The following SPATA21 variants were observed in gnomAD, a reference collection of about 807,000 sequenced individuals.
SPATA21 encodes spermatogenesis associated 21.
A neutral mutation model predicts 54.8 loss-of-function variants in SPATA21; 47 were observed. The observed-to-expected ratio is 0.86, with a 90% CI of 0.68 to 1.09. SPATA21 has a LOEUF of 1.09. Ranked by LOEUF, SPATA21 falls within the 50% of genes least tolerant of loss-of-function variation. SPATA21 has a pLI of 0.00. For missense variants in SPATA21, 599 were observed against 596.4 expected (o/e 1.00, Z -0.05); for synonymous variants, 245 against 235.3 (o/e 1.04, Z -0.38).
At chr1:16,405,230 G>C (rs934561855) in intron 7 of SPATA21, 126 bp from the exon 8 acceptor site, 1 of 1,341,836 alleles carries the variant, frequency 7.5e-7, no homozygotes, top group African/African-American at 1.5e-5. Flanking sequence ...TGCTGGGTGC[G>C]TTGGCTCACA....
intron 1 of SPATA21, among the ~76,000 whole-genome samples, chr1:16,436,723 A>G (rs1217398791): frequency 1.3e-5 from 2 of 151,922 alleles, no homozygotes; most frequent in East Asian, 3.9e-4. Flanking sequence ...CAGAGACTGC[A>G]CCACTACACG....
At chr1:16,407,981 A>T (rs780827764) in intron 7 of SPATA21, among the ~76,000 whole-genome samples, 1 of 152,102 alleles carries the variant, frequency 6.6e-6, no homozygotes. Context: ...TGCTTAGGCT[A>T]GTCTTGAACT....
At position 16,405,098 on chromosome 1, in the gene SPATA21, C is replaced by T. The variant is rs750502597; in HGVS notation, c.680G>A (p.Arg227His). ...QLTLKQEEAF[R>H]SYFEIFNGPG... is the part of the protein sequence containing the mutation. Reference sequence around the variant, plus strand: ...ACCATTGAAGATCTCAAAGTAGCTGCGGAAGGCTGTGGGGAGGGCAGGGTT... The same window carrying T: ...ACCATTGAAGATCTCAAAGTAGCTGTGGAAGGCTGTGGGGAGGGCAGGGTT... Residue 227 changes from arginine (R) to histidine (H), a missense_variant, in exon 8 of 13, where the codon CGC (arginine) becomes CAC (histidine). Transcript: ENST00000335496. 1.4e-5 allele frequency: 22 copies of T among 1,608,786 alleles called. No individual in the cohort carries two copies. Among genetic ancestry groups the T allele is most frequent in the African/African-American group, 4.0e-5 (3 of 74,618 alleles).
chr1:16,431,318 C>A lies in SPATA21; in HGVS notation c.34+20G>T. The A allele has an allele frequency of 6.2e-7, 1 of 1,614,108 alleles. No individual in the cohort carries two copies. Among genetic ancestry groups the A allele is most frequent in the Non-Finnish European group, 8.5e-7 (1 of 1,180,010 alleles). ...TCCTCAGGCCAGGACTTGGCTGCGT[C>A]CCTGGAGCCTTGGTTCTACCCTCCG... On this transcript the variant is annotated intron_variant, in intron 3 of 12. Transcript: ENST00000335496.
intron 3 of SPATA21, chr1:16,425,405 C>A: frequency 8.5e-7 from 1 of 1,181,242 alleles, no homozygotes. Context: ...CCTCAGCCTC[C>A]CAAGTAGCTG....
intron 5 of SPATA21, among the ~76,000 whole-genome samples, chr1:16,418,838 G>A (rs538165434): frequency 1.3e-4 from 20 of 152,262 alleles, no homozygotes; most frequent in African/African-American, 4.6e-4. Context: ...CACTGCATCC[G>A]GCCTAGTTCT....
rs112533132 is a variant in SPATA21 at position 16,422,509 on chromosome 1, A to ATTT, written c.35-541_35-539dup. Among the ~76,000 whole-genome samples, 173 of 142,866 alleles carry ATTT rather than the reference A, an allele frequency of 1.2e-3. 3 individuals carry two copies. Among genetic ancestry groups the ATTT allele is most frequent in the African/African-American group, 4.1e-3 (157 of 38,628 alleles). The allele number at this position is 142,866 out of a possible 152,430, so 93.7% of individuals were successfully genotyped here. ...AGGGTTTTCCTTTGTGTGTGTGTGT[A>ATTT]TTTTTTTTTTTTTTTGAGACAAGTC... On this transcript the variant is annotated intron_variant, in intron 3 of 12. Transcript: ENST00000335496.
In SPATA21 at chr1:16,423,412, CAAA is replaced by C. The variant is rs1161125061; in HGVS notation, c.35-1444_35-1442del. Among the ~76,000 whole-genome samples the C allele has an allele frequency of 1.8e-3, 106 of 59,150 alleles. 1 individual carries two copies. Among genetic ancestry groups the C allele is most frequent in the Non-Finnish European group, 2.2e-3 (59 of 26,884 alleles). The allele number at this position is 59,150 out of a possible 152,430, so 38.8% of individuals were successfully genotyped here. On this transcript the variant is annotated intron_variant, in intron 3 of 12. Coordinates refer to ENST00000335496, the MANE Select transcript of SPATA21 (RefSeq NM_198546.1). ...TGGGCAACAGGGTGAGACTCCATGT[CAAA>C]AAAAAAAAAAAAAAAAAAGTGGTAT...
chr1:16,434,563 T>C (rs1028564114), intron 1 of SPATA21, among the ~76,000 whole-genome samples: 3 of 152,174 alleles, frequency 2.0e-5, no homozygotes, highest in Non-Finnish European at 4.4e-5. Context: ...CCCAAAGTGC[T>C]GAGATTACAG....
chr1:16,419,251 C>T (rs1403026072), intron 5 of SPATA21, among the ~76,000 whole-genome samples: 1 of 152,074 alleles, frequency 6.6e-6, no homozygotes, highest in African/African-American at 2.4e-5. Context: ...TTCAAAGGCC[C>T]TGGGGTGAGA....
At position 16,403,718 on chromosome 1, in the gene SPATA21, C is replaced by A; in HGVS notation, c.1001+9G>T. The A allele has an allele frequency of 6.2e-7, 1 of 1,609,884 alleles. No homozygotes were observed. The highest frequency in any genetic ancestry group is 8.5e-7 in the Non-Finnish European group (1 of 1,176,248). On this transcript the variant is annotated intron_variant, in intron 10 of 12. Transcript: ENST00000335496. The stretch of plus-strand genomic sequence containing the variant: ...CAACCCTTCACCCCCAACAACCGGC[C>A]CCACTCACTTTGTGATTTCCTCTAA...
In SPATA21 at chr1:16,409,852, C is replaced by T. The variant is rs758387107; in HGVS notation, c.336G>A (p.Lys112=). ...GCACCGGGGTCAGGGTCCTGGGCGA[C>T]TTCTGGGCTGTCTGGGACCGGGCCT... is the stretch of plus-strand genomic sequence containing the variant. ...ASKARSQTAQ[K]SPRTLTPVPT... is the part of the protein sequence containing the mutation. Residue 112 remains lysine, a synonymous_variant, in exon 6 of 13, where the codon AAG becomes AAA. Transcript: ENST00000335496. This position sits in a 1 kb window ranked among gnomAD's most constrained non-coding sequence, Gnocchi z 4.1. 6.2e-7 allele frequency: 1 copy of T among 1,606,932 alleles called. No homozygotes were observed. The highest frequency in any genetic ancestry group is 1.7e-5 in the Admixed American group (1 of 58,800).
chr1:16,425,683 T>A, intron 3 of SPATA21: 1 of 1,550,244 alleles, frequency 6.5e-7, no homozygotes, highest in Non-Finnish European at 8.7e-7. Context: ...CCTGGCCTGC[T>A]TGCAGCTCCT....
intron 3 of SPATA21, among the ~76,000 whole-genome samples, chr1:16,429,088 G>T (rs1054740752): frequency 6.6e-6 from 1 of 151,988 alleles, no homozygotes; most frequent in Non-Finnish European, 1.5e-5. Flanking sequence ...TGCCCCAGGG[G>T]AAGTGAGGAT....
intron 3 of SPATA21, among the ~76,000 whole-genome samples, chr1:16,429,144 T>C (rs1467898154): frequency 1.3e-5 from 2 of 152,152 alleles, no homozygotes; most frequent in African/African-American, 4.8e-5. Flanking sequence ...ATGTTGACTT[T>C]TTATTTTTTT....
At chr1:16,430,193 T>A (rs544076695) in intron 3 of SPATA21, among the ~76,000 whole-genome samples, 1 of 149,740 alleles carries the variant, frequency 6.7e-6, no homozygotes, top group African/African-American at 2.5e-5. Context: ...TTTGGGAGGC[T>A]GAGGCAGACA....
chr1:16,422,129 G>T (rs1303021097), intron 3 of SPATA21, 158 bp from the exon 4 acceptor site: 1 of 1,499,308 alleles, frequency 6.7e-7, no homozygotes, highest in Non-Finnish European at 8.9e-7. Flanking sequence ...TGGCCAAGCG[G>T]CAGCAAGGCT....
intron 5 of SPATA21, among the ~76,000 whole-genome samples, chr1:16,419,052 A>G (rs544506237): frequency 6.6e-6 from 1 of 152,332 alleles, no homozygotes; most frequent in Non-Finnish European, 1.5e-5. Flanking sequence ...ACTTAAAGAT[A>G]ATGTCGGAGG....
rs759261617 is a variant in SPATA21, at chr1:16,403,943, C to G, written c.883+25G>C. 1.9e-6 allele frequency: 3 copies of G among 1,606,952 alleles called. No homozygotes were observed. The South Asian group carries it at 3.3e-5, about 18-fold the overall frequency. On this transcript the variant is annotated intron_variant, in intron 9 of 12. Coordinates refer to ENST00000335496, the MANE Select transcript of SPATA21 (RefSeq NM_198546.1). ...CTCCCAGCCCCTCCTCCAGTTCTGA[C>G]TACGCTGGGCTCATCCCTGCTCACC...
Sources: gnomAD v4.1 joint callset for allele counts (sites outside exome capture counted in the v4.1 genomes callset) on GRCh38, gnomAD v4.1.1 for gene constraint, Gnocchi (gnomAD v3.1) non-coding constraint, MANE v1.5 for transcripts, NCBI Gene and HGNC (gene_info 2026-07-23, HGNC 2026-07-21) for gene names.